APC: variants seen among roughly 807,000 people sequenced by gnomAD.
The protein encoded by APC is adenomatous polyposis coli protein.
APC carries 72 observed loss-of-function variants against 247.0 expected under a neutral mutation model. The observed-to-expected ratio is 0.29, with a 90% CI of 0.24 to 0.35. The LOEUF (loss-of-function observed/expected upper bound fraction) is 0.35, where lower values mean the gene tolerates loss of function less well. Among genes scored for constraint, APC ranks in the 10% least tolerant of loss-of-function variants. The pLI is 1.00. For synonymous variants in APC, 1,254 were observed against 1,162.5 expected (o/e 1.08, Z -1.60); for missense variants, 3,400 against 3,360.7 (o/e 1.01, Z -0.29).
chr5:112,809,281 C>A (rs1304564876), intron 8 of APC, among the ~76,000 whole-genome samples: 2 of 151,682 alleles, frequency 1.3e-5, no homozygotes, highest in African/African-American at 4.8e-5. Flanking sequence ...CCTGGAAGGT[C>A]AAGACTGCAG....
chr5:112,779,320 A>G (rs1247560365), intron 5 of APC, among the ~76,000 whole-genome samples: 3 of 152,214 alleles, frequency 2.0e-5, no homozygotes, highest in Non-Finnish European at 4.4e-5. Context: ...CCCACTGTCT[A>G]CATGAAGTCA....
chr5:112,832,217 A>G (rs896383276), intron 14 of APC, among the ~76,000 whole-genome samples: 1 of 152,198 alleles, frequency 6.6e-6, no homozygotes, highest in East Asian at 1.9e-4. Context: ...CACAGAGAGG[A>G]ACTTTTGTAT....
At chr5:112,769,514 G>A (rs979938521) in intron 4 of APC, among the ~76,000 whole-genome samples, 21 of 121,492 alleles carry the variant, frequency 1.7e-4, no homozygotes, top group Admixed American at 9.0e-4. Context: ...CAGGAACTTC[G>A]TCAAATGTTT....
chr5:112,763,294 G>T (rs557053404), intron 2 of APC, among the ~76,000 whole-genome samples: 2 of 150,752 alleles, frequency 1.3e-5, no homozygotes, highest in Non-Finnish European at 3.0e-5. Flanking sequence ...ACCTTTGATA[G>T]TATATATATA....
chr5:112,811,765 GCATAACAAATTGCCCC>G (rs1412661397), intron 8 of APC, among the ~76,000 whole-genome samples: 1 of 152,192 alleles, frequency 6.6e-6, no homozygotes, highest in Non-Finnish European at 1.5e-5. Context: ...AGCTATTGCT[GCATAACAAATTGCCCC>G]CAAAACTTAA....
At chr5:112,813,987 A>G (rs1328989131) in intron 8 of APC, among the ~76,000 whole-genome samples, 1 of 152,176 alleles carries the variant, frequency 6.6e-6, no homozygotes, top group Non-Finnish European at 1.5e-5. Context: ...GCATCTTGAC[A>G]TTCTTACGGA....
chr5:112,765,384 G>A (rs1756169978), intron 2 of APC, among the ~76,000 whole-genome samples: 1 of 152,154 alleles, frequency 6.6e-6, no homozygotes, highest in South Asian at 2.1e-4. Flanking sequence ...AAAGCGTTGA[G>A]GTTACAGGCA....
intron 1 of APC, 87 bp from the exon 2 acceptor site, chr5:112,754,786 G>C (rs1418271938): frequency 7.8e-7 from 1 of 1,285,422 alleles, no homozygotes; most frequent in Non-Finnish European, 1.1e-6. Context: ...CGTCTTAAGA[G>C]TTTTGTTTCC....
Position 112,837,831 on chromosome 5 carries a change from G to A in APC, c.2237G>A (p.Gly746Asp), listed in dbSNP as rs1451093917. ...AAGGATGCCAATATTATGTCTCCTG[G>A]CTCAAGCTTGCCATCTCTTCATGTT... The part of the protein sequence containing the change: ...KYKDANIMSP[G>D]SSLPSLHVRK... The change falls in exon 16 of 16, where the codon GGC (glycine) becomes GAC (aspartate). Residue 746 changes from glycine (G) to aspartate (D), a missense_variant. Gly to Asp is a moderately conservative substitution (Grantham distance 94, BLOSUM62 -1). Transcript: ENST00000257430. 6.2e-7 allele frequency: 1 copy of A among 1,613,924 alleles called. No individual in the cohort carries two copies.
chr5:112,761,036 C>T (rs1352178023), intron 2 of APC, among the ~76,000 whole-genome samples: 2 of 152,110 alleles, frequency 1.3e-5, no homozygotes, highest in Non-Finnish European at 2.9e-5. Context: ...GTCTTGATCT[C>T]CTGACCTCGT....
At chr5:112,762,424 G>C (rs1755776657) in intron 2 of APC, among the ~76,000 whole-genome samples, 1 of 152,172 alleles carries the variant, frequency 6.6e-6, no homozygotes, top group Non-Finnish European at 1.5e-5. Flanking sequence ...CCTGCAGACT[G>C]GTAACAGCCC....
rs1060503260 is a variant in APC at position 112,839,172 on chromosome 5, A to C, written c.3578A>C (p.Gln1193Pro). Reference protein sequence around the residue: ...YATDIPSSQKQSFSFSKSSSG... With the variant: ...YATDIPSSQKPSFSFSKSSSG... Reference sequence around the variant, plus strand: ...ACAGATATTCCTTCATCACAGAAACAGTCATTTTCATTCTCAAAGAGTTCA... The same window carrying C: ...ACAGATATTCCTTCATCACAGAAACCGTCATTTTCATTCTCAAAGAGTTCA... The change falls in exon 16 of 16, where the codon CAG becomes CCG. Residue 1193 changes from glutamine to proline, a missense_variant. By Grantham distance (76) the Gln-to-Pro change is moderately conservative. Transcript: ENST00000257430. This position sits in a 1 kb window ranked among gnomAD's most constrained non-coding sequence, Gnocchi z 5.0. 5 of 1,614,172 alleles carry C rather than the reference A, an allele frequency of 3.1e-6. No individual in the cohort carries two copies.
At chr5:112,817,759 C>A (rs1329836227) in intron 9 of APC, among the ~76,000 whole-genome samples, 2 of 152,012 alleles carry the variant, frequency 1.3e-5, no homozygotes, top group African/African-American at 4.8e-5. Context: ...ATGGAGAAAA[C>A]CTTGTTAGGT....
chr5:112,775,686 T>A lies in APC; in HGVS notation c.480T>A (p.Ala160=), dbSNP rs758296324. 1.1e-5 allele frequency: 17 copies of A among 1,608,026 alleles called. No individual in the cohort carries two copies. The South Asian group carries it at 1.8e-4, about 17-fold the overall frequency. Reference sequence around the variant, plus strand: ...AAAAGGAAAAAGACTGGTATTACGCTCAACTTCAGAATCTCACTAAAAGAA... The same window carrying A: ...AAAAGGAAAAAGACTGGTATTACGCACAACTTCAGAATCTCACTAAAAGAA... ...KEEKEKDWYY[A]QLQNLTKRID... Residue 160 remains alanine, a synonymous_variant, in exon 5 of 16, where the codon GCT becomes GCA. Transcript: ENST00000257430.
intron 6 of APC, among the ~76,000 whole-genome samples, chr5:112,781,903 G>A (rs1290368924): frequency 2.0e-5 from 3 of 152,050 alleles, no homozygotes; most frequent in East Asian, 3.9e-4. Context: ...ACAGGCGTGC[G>A]CCACCATGCC....
intron 5 of APC, among the ~76,000 whole-genome samples, chr5:112,778,869 AC>A (rs1758013902): frequency 6.6e-6 from 1 of 152,230 alleles, no homozygotes; most frequent in Non-Finnish European, 1.5e-5. Context: ...AAGAAAATAG[AC>A]TAATTAAAAT....
intron 4 of APC, among the ~76,000 whole-genome samples, chr5:112,773,046 G>T (rs531637834): frequency 6.6e-6 from 1 of 152,156 alleles, no homozygotes; most frequent in African/African-American, 2.4e-5. Context: ...GTCAGAAATC[G>T]GAGGGAGAGA....
At chr5:112,814,546 T>G (rs575657094) in intron 8 of APC, among the ~76,000 whole-genome samples, 1 of 152,318 alleles carries the variant, frequency 6.6e-6, no homozygotes, top group East Asian at 1.9e-4. Context: ...CCAATTAATT[T>G]GAATATCCTT....
chr5:112,747,608 G>A (rs372392739), intron 1 of APC, among the ~76,000 whole-genome samples: 34 of 152,026 alleles, frequency 2.2e-4, no homozygotes, highest in African/African-American at 6.8e-4. Flanking sequence ...CACCTCTTTC[G>A]CCTAAGACCC....
Sources: allele counts gnomAD v4.1 joint callset (sites outside exome capture counted in the v4.1 genomes callset), GRCh38; gene constraint gnomAD v4.1.1; non-coding constraint Gnocchi (gnomAD v3.1); transcripts MANE v1.5; gene names NCBI Gene and HGNC (gene_info 2026-07-23, HGNC 2026-07-21).